Variants in FOXN3 observed in about 807,000 individuals in gnomAD.
FOXN3 encodes forkhead box N3.
A neutral mutation model predicts 38.4 loss-of-function variants in FOXN3; 7 were observed. That is an observed-to-expected ratio of 0.18 (90% CI 0.10 to 0.34). The LOEUF (loss-of-function observed/expected upper bound fraction) is 0.34, where lower values mean the gene tolerates loss of function less well. FOXN3 is among the 10% of genes least tolerant of loss of function. The pLI, the probability that FOXN3 is intolerant of heterozygous loss-of-function variation, is 1.00. For missense variants in FOXN3, 456 were observed against 613.4 expected (o/e 0.74, Z 2.71); for synonymous variants, 230 against 242.2 (o/e 0.95, Z 0.47).
chr14:89,447,144 C>T (rs544225855), intron 1 of FOXN3, among the ~76,000 whole-genome samples: 6 of 150,572 alleles, frequency 4.0e-5, no homozygotes, highest in Middle Eastern at 3.4e-3. Context: ...TGCAGTGAGC[C>T]GAGATCGCGC....
At chr14:89,582,834 G>A (rs2139913264) in intron 1 of FOXN3, among the ~76,000 whole-genome samples, 1 of 152,186 alleles carries the variant, frequency 6.6e-6, no homozygotes, top group South Asian at 2.1e-4. Context: ...AGATGAGTCT[G>A]CATTTTCTAT....
At chr14:89,360,525 A>G (rs1490689679) in intron 2 of FOXN3, among the ~76,000 whole-genome samples, 3 of 148,702 alleles carry the variant, frequency 2.0e-5, no homozygotes, top group Non-Finnish European at 3.0e-5. Context: ...AGAGAGAAGG[A>G]AAAAAAGGGA....
At chr14:89,172,115 G>C (rs1413258002) in intron 5 of FOXN3, among the ~76,000 whole-genome samples, 1 of 152,108 alleles carries the variant, frequency 6.6e-6, no homozygotes, top group Non-Finnish European at 1.5e-5. Flanking sequence ...GCATGAAAAA[G>C]AATCTATTCC....
chr14:89,165,716 A>G (rs1887224392), intron 5 of FOXN3, among the ~76,000 whole-genome samples: 1 of 152,234 alleles, frequency 6.6e-6, no homozygotes, highest in Non-Finnish European at 1.5e-5. Flanking sequence ...GCTAGCTATT[A>G]ATAGTTATTA....
At chr14:89,480,257 G>A (rs1893297897) in intron 1 of FOXN3, among the ~76,000 whole-genome samples, 1 of 152,078 alleles carries the variant, frequency 6.6e-6, no homozygotes, top group Non-Finnish European at 1.5e-5. Context: ...AAAAAAATTA[G>A]CCAGGCGTGG....
At chr14:89,261,924 G>A (rs955784645) in intron 4 of FOXN3, among the ~76,000 whole-genome samples, 7 of 152,020 alleles carry the variant, frequency 4.6e-5, no homozygotes, top group South Asian at 4.2e-4. Context: ...GCGAGACTCC[G>A]TCTCAAAAAA....
chr14:89,599,926 G>T (rs537326083), intron 1 of FOXN3, among the ~76,000 whole-genome samples: 5 of 152,186 alleles, frequency 3.3e-5, no homozygotes, highest in South Asian at 4.1e-4. Flanking sequence ...TAATCTTTTA[G>T]CCTCTACTTT....
intron 1 of FOXN3, among the ~76,000 whole-genome samples, chr14:89,471,629 G>A (rs140270333): frequency 6.6e-6 from 1 of 152,240 alleles, no homozygotes; most frequent in East Asian, 1.9e-4. Context: ...GTTGAGCTAG[G>A]TCTCTGGAGT....
intron 3 of FOXN3, among the ~76,000 whole-genome samples, chr14:89,302,513 T>C (rs1024909840): frequency 3.3e-5 from 5 of 152,186 alleles, no homozygotes; most frequent in African/African-American, 1.2e-4. Context: ...GCTTTAAACA[T>C]AACCCGAAAA....
rs1887096928 is a variant in FOXN3, at chr14:89,161,479, T to C, written c.*935A>G. ...TTCCTTAACAGCTATTGTAATTTCCTGGACTTGGTTGCTTTTCACTTGGGC... is the reference window on the plus strand; with the variant it reads ...TTCCTTAACAGCTATTGTAATTTCCCGGACTTGGTTGCTTTTCACTTGGGC... On this transcript the variant is annotated 3_prime_UTR_variant, in exon 6 of 6. Coordinates refer to ENST00000557258, the MANE Select transcript of FOXN3 (RefSeq NM_005197.4). The C allele has an allele frequency of 6.6e-6, 1 of 151,752 alleles. No homozygotes were observed. The highest frequency in any genetic ancestry group is 2.1e-4 in the South Asian group (1 of 4,782). 9.4% of individuals were successfully genotyped at this position (151,752 alleles called of 1,614,324 possible).
At chr14:89,563,832 C>G (rs1895295993) in intron 1 of FOXN3, among the ~76,000 whole-genome samples, 1 of 152,086 alleles carries the variant, frequency 6.6e-6, no homozygotes, top group Non-Finnish European at 1.5e-5. Flanking sequence ...GAGAAATTAA[C>G]ATGGTAAAGC....
chr14:89,540,956 C>CTGAA (rs147230377), intron 1 of FOXN3, among the ~76,000 whole-genome samples: 4,218 of 152,014 alleles, frequency 0.028, 192 homozygotes, highest in African/African-American at 0.096. Flanking sequence ...CATGAAGGAA[C>CTGAA]TGAATGAATG....
At chr14:89,387,406 C>T (rs2140073389) in intron 2 of FOXN3, among the ~76,000 whole-genome samples, 1 of 152,272 alleles carries the variant, frequency 6.6e-6, no homozygotes, top group African/African-American at 2.4e-5. Context: ...ATTATTTAAT[C>T]TTTAAACAGC....
intron 4 of FOXN3, among the ~76,000 whole-genome samples, chr14:89,200,158 C>T (rs1888200038): frequency 6.6e-6 from 1 of 152,164 alleles, no homozygotes; most frequent in Admixed American, 6.5e-5. Flanking sequence ...GGGTATGAGG[C>T]TCCCATTCAC....
chr14:89,320,547 G>A (rs927682018), intron 3 of FOXN3, among the ~76,000 whole-genome samples: 1 of 152,120 alleles, frequency 6.6e-6, no homozygotes, highest in Non-Finnish European at 1.5e-5. Context: ...TGCATACCTC[G>A]GTGAGATAGC....
intron 4 of FOXN3, among the ~76,000 whole-genome samples, chr14:89,256,328 CA>C (rs1275690332): frequency 6.6e-6 from 1 of 152,156 alleles, no homozygotes; most frequent in African/African-American, 2.4e-5. Context: ...CACTGGCAAT[CA>C]GAGGGGAGAG....
chr14:89,382,035 C>G (rs1890663314), intron 2 of FOXN3, among the ~76,000 whole-genome samples: 1 of 152,032 alleles, frequency 6.6e-6, no homozygotes, highest in African/African-American at 2.4e-5. Context: ...TCCATCATGG[C>G]CAGACCACAA....
At chr14:89,232,442 T>C (rs1466494333) in intron 4 of FOXN3, among the ~76,000 whole-genome samples, 1 of 152,158 alleles carries the variant, frequency 6.6e-6, no homozygotes, top group African/African-American at 2.4e-5. Flanking sequence ...TTTCAATCGA[T>C]GTAAACCAGG....
At chr14:89,165,835 G>A (rs1887227872) in intron 5 of FOXN3, among the ~76,000 whole-genome samples, 1 of 152,208 alleles carries the variant, frequency 6.6e-6, no homozygotes, top group African/African-American at 2.4e-5. Flanking sequence ...ACATCAAACA[G>A]TTTCATAGTA....
Sources: allele counts gnomAD v4.1 joint callset (sites outside exome capture counted in the v4.1 genomes callset), GRCh38; gene constraint gnomAD v4.1.1; transcripts MANE v1.5; gene names NCBI Gene and HGNC (gene_info 2026-07-23, HGNC 2026-07-21).